TPD52L1: variants seen among roughly 807,000 people sequenced by gnomAD.
TPD52L1 encodes tumor protein D53.
Under a neutral mutation model 28.7 loss-of-function variants are expected in TPD52L1, and 18 were observed. The observed-to-expected ratio is 0.63, with a 90% CI of 0.43 to 0.93. The LOEUF (loss-of-function observed/expected upper bound fraction) is 0.93. TPD52L1 is among the 40% of genes least tolerant of loss of function. The pLI is 0.00. For synonymous variants in TPD52L1, 75 were observed against 88.8 expected (o/e 0.84, Z 0.88); for missense variants, 203 against 254.8 (o/e 0.80, Z 1.39).
At position 125,263,088 on chromosome 6, in the gene TPD52L1, A is replaced by G. The variant is rs1032167227; in HGVS notation, c.*126A>G. The G allele has an allele frequency of 2.6e-6, 3 of 1,169,132 alleles. No individual in the cohort carries two copies. The African/African-American group carries it at 4.7e-5, about 18-fold the overall frequency. 72.4% of individuals were successfully genotyped at this position (1,169,132 alleles called of 1,614,324 possible). On this transcript the variant is annotated 3_prime_UTR_variant, in exon 7 of 7. Transcript: ENST00000534000. ...CCCAGGCCTTGACATTGTTATTCAA[A>G]TGGCCCCTCCAGAAAGTTTAATGAT...
At chr6:125,198,641 G>A (rs1163142129) in intron 1 of TPD52L1, among the ~76,000 whole-genome samples, 2 of 152,168 alleles carry the variant, frequency 1.3e-5, no homozygotes, top group African/African-American at 2.4e-5. Flanking sequence ...ATAAAATAAT[G>A]TGCATAAAAT....
chr6:125,231,474 C>T (rs1394755974), intron 3 of TPD52L1, among the ~76,000 whole-genome samples: 2 of 152,178 alleles, frequency 1.3e-5, no homozygotes, highest in Non-Finnish European at 2.9e-5. Context: ...TTGTGTTTTT[C>T]CATGTTTGAA....
At chr6:125,238,904 ATTTTT>A (rs1796445015) in intron 3 of TPD52L1, among the ~76,000 whole-genome samples, 1 of 152,206 alleles carries the variant, frequency 6.6e-6, no homozygotes, top group Non-Finnish European at 1.5e-5. Flanking sequence ...CTGGTTCCAT[ATTTTT>A]GCAATTGCAA....
intron 2 of TPD52L1, chr6:125,221,998 A>G (rs1795265119): frequency 6.6e-6 from 1 of 152,180 alleles, no homozygotes; most frequent in Admixed American, 6.5e-5. Context: ...TGAAAAGCAG[A>G]GAAAGTGTAT....
chr6:125,209,635 A>T (rs1794372155), intron 1 of TPD52L1, among the ~76,000 whole-genome samples: 1 of 152,218 alleles, frequency 6.6e-6, no homozygotes, highest in South Asian at 2.1e-4. Context: ...CAGAGAGTCC[A>T]AATGCCTTAA....
chr6:125,223,034 C>A (rs1211955015), intron 2 of TPD52L1, among the ~76,000 whole-genome samples: 1 of 152,212 alleles, frequency 6.6e-6, no homozygotes, highest in Non-Finnish European at 1.5e-5. Flanking sequence ...ATAGCACTAA[C>A]CACATTCCTT....
intron 1 of TPD52L1, among the ~76,000 whole-genome samples, chr6:125,175,017 ATG>A (rs544928489): frequency 4.6e-5 from 7 of 151,844 alleles, no homozygotes; most frequent in African/African-American, 7.2e-5. Context: ...TTACATATAT[ATG>A]TGTGTGTGTG....
intron 3 of TPD52L1, among the ~76,000 whole-genome samples, chr6:125,242,203 T>C (rs568696221): frequency 1.3e-5 from 2 of 152,250 alleles, no homozygotes; most frequent in South Asian, 2.1e-4. Context: ...ACTTGTTTTG[T>C]GGCCTATCAT....
At position 125,213,488 on chromosome 6, in the gene TPD52L1, C is replaced by T. The variant is rs566521530; in HGVS notation, c.20-6590C>T. Among the ~76,000 whole-genome samples the T allele has an allele frequency of 4.6e-5, 7 of 152,274 alleles. No homozygotes were observed. The East Asian group carries it at 1.4e-3, about 29-fold the overall frequency. On this transcript the variant is annotated intron_variant, in intron 1 of 6. Coordinates refer to ENST00000534000, the MANE Select transcript of TPD52L1 (RefSeq NM_003287.4). ...GCTGAGTTTCAGTTCAGTAGCCCCT[C>T]CGAGCTGATTCAGCTTTGCCTTGGC... is the stretch of plus-strand genomic sequence containing the variant.
chr6:125,209,344 A>C (rs1415276235), intron 1 of TPD52L1, among the ~76,000 whole-genome samples: 1 of 152,188 alleles, frequency 6.6e-6, no homozygotes, highest in Non-Finnish European at 1.5e-5. Flanking sequence ...ACAAGCCCAC[A>C]GTCATGAGGT....
Position 125,226,180 on chromosome 6 carries a change from G to A in TPD52L1, c.136-2938G>A, listed in dbSNP as rs373694588. Among the ~76,000 whole-genome samples the A allele has an allele frequency of 1.8e-4, 28 of 152,264 alleles. No homozygotes were observed. The East Asian group carries it at 2.7e-3, about 15-fold the overall frequency. On this transcript the variant is annotated intron_variant, in intron 2 of 6. Transcript: ENST00000534000. ...ATAAATATTCTGAACGTTTTGAAAAGTGTGAGTCTTTATATTGCATTGAAA... is the reference window on the plus strand; with the variant it reads ...ATAAATATTCTGAACGTTTTGAAAAATGTGAGTCTTTATATTGCATTGAAA...
At chr6:125,158,937 T>A (rs1338412774) in intron 1 of TPD52L1, among the ~76,000 whole-genome samples, 2 of 152,230 alleles carry the variant, frequency 1.3e-5, no homozygotes, top group Non-Finnish European at 2.9e-5. Context: ...GTACATACCT[T>A]TATGTAAAAG....
intron 1 of TPD52L1, among the ~76,000 whole-genome samples, chr6:125,200,708 A>C (rs1468254945): frequency 6.6e-6 from 1 of 152,246 alleles, no homozygotes; most frequent in Non-Finnish European, 1.5e-5. Flanking sequence ...GTGCAGATGC[A>C]AATATGATGC....
At chr6:125,154,300 G>C (rs1212759287) in intron 1 of TPD52L1, 1 of 1,152,634 alleles carries the variant, frequency 8.7e-7, no homozygotes, top group African/African-American at 1.6e-5. Context: ...GTTGTGCCGG[G>C]TCCGGAAAGC....
At chr6:125,189,882 A>G (rs1792917766) in intron 1 of TPD52L1, among the ~76,000 whole-genome samples, 1 of 152,238 alleles carries the variant, frequency 6.6e-6, no homozygotes, top group African/African-American at 2.4e-5. Context: ...ATAAAGTAAA[A>G]GCAATAGCAA....
rs538301785 is a variant in TPD52L1, at chr6:125,257,771, C to T, written c.486+613C>T. ...TTAAAAATTCACTGGAATTATTGTT[C>T]TAGCATAGGTAAGTTTGAATAAAAA... is the stretch of plus-strand genomic sequence containing the variant. On this transcript the variant is annotated intron_variant, in intron 6 of 6. Transcript: ENST00000534000. 1.2e-4 allele frequency among the ~76,000 whole-genome samples: 19 copies of T among 152,252 alleles called. No individual in the cohort carries two copies. The South Asian group carries it at 3.9e-3, about 32-fold the overall frequency.
chr6:125,156,557 C>G (rs1790151117), intron 1 of TPD52L1, among the ~76,000 whole-genome samples: 1 of 151,560 alleles, frequency 6.6e-6, no homozygotes, highest in Admixed American at 6.6e-5. Flanking sequence ...ATTTTTTGAG[C>G]CCAGGAGTTT....
chr6:125,245,663 C>A lies in TPD52L1; in HGVS notation c.285-2619C>A, dbSNP rs561854972. 2.5e-3 allele frequency among the ~76,000 whole-genome samples: 375 copies of A among 152,224 alleles called. 3 individuals are homozygous for A. Among genetic ancestry groups the A allele is most frequent in the African/African-American group, 8.6e-3 (357 of 41,536 alleles). ...CCAAAGGGGATTATGGCTGCCTCTGCTGTGTCATATAGTTTATCAAGGAAG... is the reference window on the plus strand; with the variant it reads ...CCAAAGGGGATTATGGCTGCCTCTGATGTGTCATATAGTTTATCAAGGAAG... On this transcript the variant is annotated intron_variant, in intron 3 of 6. Coordinates refer to ENST00000534000, the MANE Select transcript of TPD52L1 (RefSeq NM_003287.4).
At chr6:125,172,087 TTTCTTTCTTTCC>T (rs1791351912) in intron 1 of TPD52L1, among the ~76,000 whole-genome samples, 7 of 134,168 alleles carry the variant, frequency 5.2e-5, no homozygotes, top group African/African-American at 1.2e-4. Flanking sequence ...TTTCTCTTTC[TTTCTTTCTTTCC>T]CTTTCTTTCT....
Sources: allele counts gnomAD v4.1 joint callset (sites outside exome capture counted in the v4.1 genomes callset), GRCh38; gene constraint gnomAD v4.1.1; transcripts MANE v1.5; gene names NCBI Gene and HGNC (gene_info 2026-07-23, HGNC 2026-07-21).